KIAA1549L: variants seen among roughly 807,000 people sequenced by gnomAD.
KIAA1549L encodes KIAA1549 like, also known as UPF0606 protein KIAA1549L.
In KIAA1549L, 88 loss-of-function variants were observed where a neutral mutation model predicts 160.7. The ratio of observed to expected loss-of-function variants is 0.55; its 90% CI spans 0.46 to 0.65. KIAA1549L has a LOEUF of 0.65. KIAA1549L is among the 30% of genes least tolerant of loss of function. KIAA1549L has a pLI of 0.00. For synonymous variants in KIAA1549L, 950 were observed against 976.7 expected (o/e 0.97, Z 0.51); for missense variants, 2,258 against 2,437.5 (o/e 0.93, Z 1.55).
intron 19 of KIAA1549L, among the ~76,000 whole-genome samples, chr11:33,660,573 A>G (rs7482197): frequency 7.3e-5 from 11 of 151,130 alleles, no homozygotes; most frequent in African/African-American, 2.4e-4. Context: ...TCAAAAAAAA[A>G]AAAGAAAGAA....
At chr11:33,488,672 T>C (rs572481106) in intron 1 of KIAA1549L, among the ~76,000 whole-genome samples, 1 of 152,328 alleles carries the variant, frequency 6.6e-6, no homozygotes, top group Admixed American at 6.5e-5. Flanking sequence ...AACCAGGAAG[T>C]AACAGATCAG....
chr11:33,613,470 T>G (rs1376789104), intron 15 of KIAA1549L, among the ~76,000 whole-genome samples: 2 of 152,180 alleles, frequency 1.3e-5, no homozygotes, highest in Non-Finnish European at 2.9e-5. Context: ...CTGCAGGCTG[T>G]GGAAGCAAAG....
In KIAA1549L at chr11:33,542,973, G is replaced by T. The variant is rs745579223; in HGVS notation, c.1410G>T (p.Leu470Phe). ...TTTCGGCAGAACACACCTCTTCTTT[G>T]GTGCCTTCTCTGCATATCACCACAC... is the stretch of plus-strand genomic sequence containing the variant. ...PALSAEHTSSLVPSLHITTLG... is the reference protein window; with the variant it reads ...PALSAEHTSSFVPSLHITTLG... Residue 470 changes from leucine to phenylalanine, a missense_variant, in exon 2 of 21, where the codon TTG becomes TTT. Leu to Phe is a conservative substitution (Grantham distance 22). Transcript: ENST00000658780. The T allele has an allele frequency of 8.1e-6, 13 of 1,614,008 alleles. No homozygotes were observed. Among genetic ancestry groups the T allele is most frequent in the Non-Finnish European group, 1.1e-5 (13 of 1,179,894 alleles).
At chr11:33,522,109 A>G (rs1031913535) in intron 1 of KIAA1549L, among the ~76,000 whole-genome samples, 4 of 152,328 alleles carry the variant, frequency 2.6e-5, no homozygotes, top group East Asian at 3.9e-4. Context: ...TAAACTATAA[A>G]TGAAAATTAT....
intron 16 of KIAA1549L, among the ~76,000 whole-genome samples, chr11:33,635,066 C>T (rs2036772374): frequency 6.6e-6 from 1 of 152,186 alleles, no homozygotes; most frequent in African/African-American, 2.4e-5. Context: ...TTCCAGGATG[C>T]AGGCTTATGG....
chr11:33,405,131 C>T (rs1044990730), intron 1 of KIAA1549L, among the ~76,000 whole-genome samples: 4 of 151,350 alleles, frequency 2.6e-5, no homozygotes, highest in Admixed American at 6.6e-5. Context: ...AACCATTATT[C>T]AACACCTGTC....
intron 17 of KIAA1549L, among the ~76,000 whole-genome samples, chr11:33,651,246 G>T (rs1213848177): frequency 6.6e-6 from 1 of 152,220 alleles, no homozygotes; most frequent in Non-Finnish European, 1.5e-5. Flanking sequence ...AGACCAGCCT[G>T]GCCAACATGG....
chr11:33,594,311 C>T (rs900298109), intron 12 of KIAA1549L, among the ~76,000 whole-genome samples: 12 of 143,220 alleles, frequency 8.4e-5, no homozygotes, highest in African/African-American at 1.2e-4. Context: ...AAACAACAAC[C>T]ATTTTTTTTT....
chr11:33,649,676 A>G (rs1277216429), intron 17 of KIAA1549L, among the ~76,000 whole-genome samples: 8 of 151,952 alleles, frequency 5.3e-5, no homozygotes, highest in Non-Finnish European at 2.9e-5. Context: ...ACTCCCCCCA[A>G]GCCTTTGTTA....
At chr11:33,614,547 T>TCC (rs1564924640) in intron 15 of KIAA1549L, among the ~76,000 whole-genome samples, 7 of 11,746 alleles carry the variant, frequency 6.0e-4, no homozygotes, top group Admixed American at 1.7e-3. Flanking sequence ...TATATATATA[T>TCC]ATATATATAT....
At chr11:33,498,851 C>T (rs934105167) in intron 1 of KIAA1549L, among the ~76,000 whole-genome samples, 5 of 152,118 alleles carry the variant, frequency 3.3e-5, no homozygotes, top group African/African-American at 4.8e-5. Flanking sequence ...GGAAAAGGAA[C>T]AGTGAATTCC....
chr11:33,397,590 T>C (rs1488414226), intron 1 of KIAA1549L, among the ~76,000 whole-genome samples: 1 of 151,682 alleles, frequency 6.6e-6, no homozygotes, highest in Non-Finnish European at 1.5e-5. Context: ...CGGGCGCCTG[T>C]AGTCCCAGCT....
intron 1 of KIAA1549L, among the ~76,000 whole-genome samples, chr11:33,413,295 T>C (rs1431553608): frequency 2.6e-5 from 4 of 151,590 alleles, no homozygotes; most frequent in Admixed American, 6.6e-5. Context: ...CTCTTAAGGC[T>C]GGGCGTGGTG....
intron 1 of KIAA1549L, among the ~76,000 whole-genome samples, chr11:33,523,460 T>G (rs1318529295): frequency 6.6e-6 from 1 of 152,238 alleles, no homozygotes; most frequent in Admixed American, 6.5e-5. Context: ...TATCTTTGCT[T>G]ATTCTTAATT....
chr11:33,666,411 C>T (rs922911136), intron 20 of KIAA1549L, among the ~76,000 whole-genome samples: 1 of 152,210 alleles, frequency 6.6e-6, no homozygotes, highest in Non-Finnish European at 1.5e-5. Context: ...TGCCCAGAAT[C>T]CCCCTCCCAC....
intron 1 of KIAA1549L, among the ~76,000 whole-genome samples, chr11:33,408,582 C>T (rs1288485471): frequency 1.3e-5 from 2 of 150,412 alleles, no homozygotes; most frequent in Admixed American, 6.6e-5. Flanking sequence ...CACACAGATG[C>T]CTCATGTGAG....
At chr11:33,551,014 G>A in intron 4 of KIAA1549L, 26 bp from the exon 5 acceptor site, 4 of 1,591,500 alleles carry the variant, frequency 2.5e-6, no homozygotes, top group Non-Finnish European at 3.5e-6. Context: ...TAAACAATGG[G>A]TTTTGTGGGT....
At chr11:33,416,933 A>G (rs1229634823) in intron 1 of KIAA1549L, among the ~76,000 whole-genome samples, 1 of 152,174 alleles carries the variant, frequency 6.6e-6, no homozygotes, top group Non-Finnish European at 1.5e-5. Context: ...CTCATCCTGC[A>G]CACACCTGTA....
chr11:33,482,621 G>A (rs966524360), intron 1 of KIAA1549L, among the ~76,000 whole-genome samples: 10 of 146,566 alleles, frequency 6.8e-5, no homozygotes, highest in Non-Finnish European at 1.2e-4. Context: ...AGGCTGGAGT[G>A]CGGTGGCATG....
Sources: allele counts gnomAD v4.1 joint callset (sites outside exome capture counted in the v4.1 genomes callset), GRCh38; gene constraint gnomAD v4.1.1; transcripts MANE v1.5; gene names NCBI Gene and HGNC (gene_info 2026-07-23, HGNC 2026-07-21).